Variants in FANCC observed in about 807,000 individuals in gnomAD.
FANCC encodes FA complementation group C, also known as Fanconi anemia group C protein.
A neutral mutation model predicts 71.3 loss-of-function variants in FANCC; 55 were observed. The ratio of observed to expected loss-of-function variants is 0.77; its 90% CI spans 0.62 to 0.97. The LOEUF is 0.97. FANCC is among the 50% of genes least tolerant of loss of function. FANCC has a pLI of 0.00. For missense variants in FANCC, 678 were observed against 670.9 expected (o/e 1.01, Z -0.12); for synonymous variants, 275 against 244.9 (o/e 1.12, Z -1.15).
intron 4 of FANCC, among the ~76,000 whole-genome samples, chr9:95,219,643 T>C (rs1003117627): frequency 1.3e-5 from 2 of 152,202 alleles, no homozygotes; most frequent in Admixed American, 6.5e-5. Context: ...TAAATGGTGC[T>C]GGGAAAACTG....
At position 95,099,797 on chromosome 9, in the gene FANCC, A is replaced by C. The variant is rs1392505525; in HGVS notation, c.*1910T>G. 1 of 232,284 alleles carries C rather than the reference A, an allele frequency of 4.3e-6. No homozygotes were observed. Among genetic ancestry groups the C allele is most frequent in the African/African-American group, 2.2e-5 (1 of 45,308 alleles). The allele number at this position is 232,284 out of a possible 1,614,324, so 14.4% of individuals were successfully genotyped here. A position where few individuals can be genotyped will look rare whatever the true frequency, so the allele number is the denominator to read the frequency against. On this transcript the variant is annotated 3_prime_UTR_variant, in exon 15 of 15. Coordinates refer to ENST00000289081, the MANE Select transcript of FANCC (RefSeq NM_000136.3). ...CTGTGAAGGAACTGGGAGATTCTGC[A>C]GATGGGCCGAGGTCAGGGCTTCCAG...
chr9:95,294,034 A>C, intron 1 of FANCC: 1 of 1,600,046 alleles, frequency 6.2e-7, no homozygotes, highest in Non-Finnish European at 8.6e-7. Context: ...TGCACCAATT[A>C]TAAACTTCAG....
At chr9:95,153,673 T>C (rs1314399377) in intron 6 of FANCC, among the ~76,000 whole-genome samples, 1 of 152,248 alleles carries the variant, frequency 6.6e-6, no homozygotes, top group Non-Finnish European at 1.5e-5. Flanking sequence ...ATGGGATTGC[T>C]TTTTTCTTGA....
chr9:95,099,672 C>T lies in FANCC; in HGVS notation c.*2035G>A, dbSNP rs889922557. ...GAAGCCAGCAGGCACTTCAGTGCCA[C>T]GTCCCCAGAGGGACAGTCCTCCCAC... On this transcript the variant is annotated 3_prime_UTR_variant, in exon 15 of 15. Coordinates refer to ENST00000289081, the MANE Select transcript of FANCC (RefSeq NM_000136.3). 1.3e-5 allele frequency: 3 copies of T among 231,742 alleles called. No individual in the cohort carries two copies. Among genetic ancestry groups the T allele is most frequent in the African/African-American group, 2.2e-5 (1 of 45,182 alleles). The allele number at this position is 231,742 out of a possible 1,614,324, so 14.4% of individuals were successfully genotyped here.
At chr9:95,271,924 C>CTTTTTTTTTT (rs1300486732) in intron 1 of FANCC, among the ~76,000 whole-genome samples, 8 of 67,240 alleles carry the variant, frequency 1.2e-4, no homozygotes, top group African/African-American at 3.9e-4. Context: ...CATCAAGCCT[C>CTTTTTTTTTT]TTCTTTTTTT....
chr9:95,188,577 C>T (rs547591830), intron 4 of FANCC, among the ~76,000 whole-genome samples: 1 of 152,340 alleles, frequency 6.6e-6, no homozygotes, highest in East Asian at 1.9e-4. Flanking sequence ...TTCCTTGGTA[C>T]ATATTGCTCC....
At chr9:95,258,552 A>T (rs1831814904) in intron 1 of FANCC, among the ~76,000 whole-genome samples, 1 of 152,306 alleles carries the variant, frequency 6.6e-6, no homozygotes, top group South Asian at 2.1e-4. Context: ...AAATAATAAG[A>T]GCTATTTATG....
intron 1 of FANCC, chr9:95,292,942 A>G (rs754164088): frequency 1.0e-5 from 16 of 1,579,968 alleles, no homozygotes; most frequent in Non-Finnish European, 2.6e-6. Context: ...GCCAGTAGAA[A>G]AGCATTGCAG....
At chr9:95,237,385 C>T (rs574760413) in intron 4 of FANCC, among the ~76,000 whole-genome samples, 1 of 152,330 alleles carries the variant, frequency 6.6e-6, no homozygotes, top group South Asian at 2.1e-4. Flanking sequence ...TGCTTCCTCA[C>T]CTCTTCAACA....
chr9:95,217,064 T>C (rs1015460731), intron 4 of FANCC, among the ~76,000 whole-genome samples: 1 of 152,160 alleles, frequency 6.6e-6, no homozygotes, highest in African/African-American at 2.4e-5. Flanking sequence ...TTCAGAACCA[T>C]AAAACAATTC....
Position 95,100,711 on chromosome 9 carries a change from A to G in FANCC, c.*996T>C, listed in dbSNP as rs1025115331. 4.4e-6 allele frequency: 1 copy of G among 227,458 alleles called. No individual in the cohort carries two copies. Among genetic ancestry groups the G allele is most frequent in the Non-Finnish European group, 8.7e-6 (1 of 114,626 alleles). 14.1% of individuals were successfully genotyped at this position (227,458 alleles called of 1,614,324 possible). The stretch of plus-strand genomic sequence containing the variant: ...AGTGTCATGATCTCGGCTCACTACA[A>G]CTCCCACCTCCCGGGTTCAAGAGAT... On this transcript the variant is annotated 3_prime_UTR_variant, in exon 15 of 15. Transcript: ENST00000289081.
At chr9:95,195,208 A>AC (rs1827366461) in intron 4 of FANCC, among the ~76,000 whole-genome samples, 1 of 148,196 alleles carries the variant, frequency 6.7e-6, no homozygotes, top group Non-Finnish European at 1.5e-5. Flanking sequence ...AAAAAAAAAA[A>AC]AAAAAAAAAA....
At chr9:95,125,781 A>G (rs1825887716) in intron 9 of FANCC, among the ~76,000 whole-genome samples, 1 of 152,254 alleles carries the variant, frequency 6.6e-6, no homozygotes, top group African/African-American at 2.4e-5. Context: ...TCTGCCCTGC[A>G]GCCTCTGCTG....
At chr9:95,163,096 T>C (rs757674942) in intron 6 of FANCC, among the ~76,000 whole-genome samples, 31 of 152,250 alleles carry the variant, frequency 2.0e-4, no homozygotes, top group Non-Finnish European at 1.0e-4. Flanking sequence ...TCATCTATTT[T>C]GAGTTAGTTT....
rs1588003931 is a variant in FANCC, at chr9:95,099,513, G to A, written c.*2194C>T. The A allele has an allele frequency of 4.4e-6, 1 of 229,312 alleles. No homozygotes were observed. The highest frequency in any genetic ancestry group is 2.2e-5 in the African/African-American group (1 of 44,824). The allele number at this position is 229,312 out of a possible 1,614,324, so 14.2% of individuals were successfully genotyped here. ...GCTTTGCCGAAATCGAAGGCAACAAGAGGGGGAGGTGGGCTTAAGAGTGCC... is the reference window on the plus strand; with the variant it reads ...GCTTTGCCGAAATCGAAGGCAACAAAAGGGGGAGGTGGGCTTAAGAGTGCC... On this transcript the variant is annotated 3_prime_UTR_variant, in exon 15 of 15. Transcript: ENST00000289081.
intron 1 of FANCC, among the ~76,000 whole-genome samples, chr9:95,287,993 C>A (rs1040051680): frequency 6.6e-6 from 1 of 152,090 alleles, no homozygotes; most frequent in Non-Finnish European, 1.5e-5. Flanking sequence ...CCCCTGTTCT[C>A]CCAAACTGAA....
At chr9:95,199,811 A>C (rs1827696283) in intron 4 of FANCC, among the ~76,000 whole-genome samples, 1 of 152,132 alleles carries the variant, frequency 6.6e-6, no homozygotes, top group African/African-American at 2.4e-5. Flanking sequence ...AACCTTTCAT[A>C]CTTCATTTCT....
At chr9:95,119,924 C>G (rs1383238773) in intron 10 of FANCC, among the ~76,000 whole-genome samples, 1 of 152,180 alleles carries the variant, frequency 6.6e-6, no homozygotes, top group African/African-American at 2.4e-5. Flanking sequence ...GTTGCCCAGG[C>G]TGGTCTCCAT....
chr9:95,230,755 T>A (rs1322617035), intron 4 of FANCC, among the ~76,000 whole-genome samples: 1 of 152,092 alleles, frequency 6.6e-6, no homozygotes, highest in Admixed American at 6.5e-5. Flanking sequence ...GCGACCCAAG[T>A]GAGCTGGTGG....
Sources: gnomAD v4.1 joint callset for allele counts (sites outside exome capture counted in the v4.1 genomes callset) on GRCh38, gnomAD v4.1.1 for gene constraint, MANE v1.5 for transcripts, NCBI Gene and HGNC (gene_info 2026-07-23, HGNC 2026-07-21) for gene names.